Variants in SH3TC2 observed in about 807,000 individuals in gnomAD.
SH3TC2 encodes the protein SH3 domain and tetratricopeptide repeat-containing protein 2.
A neutral mutation model predicts 124.5 loss-of-function variants in SH3TC2; 87 were observed. The observed-to-expected ratio is 0.70, with a 90% CI of 0.59 to 0.84. The LOEUF is 0.84. Among genes scored for constraint, SH3TC2 ranks in the 40% least tolerant of loss-of-function variants. The pLI is 0.00. For missense variants in SH3TC2, 1,536 were observed against 1,566.4 expected (o/e 0.98, Z 0.33); for synonymous variants, 634 against 628.5 (o/e 1.01, Z -0.13).
At chr5:149,026,469 C>A (rs10075404) in intron 12 of SH3TC2, 103 bp downstream of exon 12, 1 of 1,425,576 alleles carries the variant, frequency 7.0e-7, no homozygotes, top group Non-Finnish European at 9.8e-7. Context: ...CACAAAGCCC[C>A]GCCTATACCA....
rs76765082 is a variant in SH3TC2, at chr5:149,040,883, G to A, written c.732-206C>T. ...TAGACCTGGGATATTTTGTGGCTCC[G>A]AAAGTAGTTTGTCAGTTAAATAACT... is the stretch of plus-strand genomic sequence containing the variant. On this transcript the variant is annotated intron_variant, in intron 6 of 16. Coordinates refer to ENST00000515425, the MANE Select transcript of SH3TC2 (RefSeq NM_024577.4). 7.7e-4 allele frequency among the ~76,000 whole-genome samples: 117 copies of A among 152,272 alleles called. 1 individual carries two copies. In the East Asian group the frequency reaches 0.02, roughly 26 times the overall value.
rs904648258 is a variant in SH3TC2, at chr5:149,000,454, A to G, written c.*4257T>C. On this transcript the variant is annotated 3_prime_UTR_variant, in exon 17 of 17. Coordinates refer to ENST00000515425, the MANE Select transcript of SH3TC2 (RefSeq NM_024577.4). ...ACAGGACCTAGCTTGAAGTTAATGC[A>G]TTATTTTATTTTCATTGTATTTGCC... is the stretch of plus-strand genomic sequence containing the variant. 6.6e-5 allele frequency among the ~76,000 whole-genome samples: 10 copies of G among 152,196 alleles called. No individual in the cohort carries two copies. The highest frequency in any genetic ancestry group is 2.2e-4 in the African/African-American group (9 of 41,444).
chr5:149,060,882 A>G (rs912586473), intron 1 of SH3TC2, among the ~76,000 whole-genome samples: 1 of 152,234 alleles, frequency 6.6e-6, no homozygotes, highest in Non-Finnish European at 1.5e-5. Context: ...TTCAAAAAAC[A>G]TGAGGGACTT....
chr5:149,043,377 A>G (rs1754403892), intron 4 of SH3TC2, among the ~76,000 whole-genome samples: 2 of 152,172 alleles, frequency 1.3e-5, no homozygotes, highest in South Asian at 4.1e-4. Context: ...ACTAAAAACT[A>G]TGTAAATTGT....
intron 12 of SH3TC2, among the ~76,000 whole-genome samples, chr5:149,016,329 G>C (rs1197732572): frequency 6.6e-6 from 1 of 152,164 alleles, no homozygotes; most frequent in East Asian, 1.9e-4. Context: ...CGAATTTCTG[G>C]CTCAGATATT....
Position 148,995,384 on chromosome 5 carries a change from A to G in SH3TC2, c.*9327T>C, listed in dbSNP as rs1224572717. ...GAGGATCAAATCCTATACTGTGGGT[A>G]AATTACTTAGCACAACCATCATTAC... On this transcript the variant is annotated 3_prime_UTR_variant, in exon 17 of 17. Coordinates refer to ENST00000515425, the MANE Select transcript of SH3TC2 (RefSeq NM_024577.4). Among the ~76,000 whole-genome samples the G allele has an allele frequency of 1.3e-5, 2 of 152,208 alleles. No individual in the cohort carries two copies. The highest frequency in any genetic ancestry group is 3.8e-4 in the East Asian group (2 of 5,198).
chr5:149,056,791 T>C (rs1754655932), intron 1 of SH3TC2, among the ~76,000 whole-genome samples: 1 of 152,226 alleles, frequency 6.6e-6, no homozygotes, highest in Non-Finnish European at 1.5e-5. Context: ...AGCATTCTTT[T>C]ACACATGGTG....
At chr5:149,044,391 T>C (rs949237862) in intron 4 of SH3TC2, 142 bp downstream of exon 4, 3 of 673,978 alleles carry the variant, frequency 4.5e-6, no homozygotes, top group Non-Finnish European at 7.9e-6. Flanking sequence ...AGGCACTTTG[T>C]GAAATTTCAA....
At chr5:149,026,210 G>C (rs1390885030) in intron 12 of SH3TC2, 4 of 283,624 alleles carry the variant, frequency 1.4e-5, no homozygotes, top group Non-Finnish European at 2.0e-5. Flanking sequence ...CCTGTGACAG[G>C]TGGTTATAGA....
rs1753539314 is a variant in SH3TC2 at position 148,998,052 on chromosome 5, C to T, written c.*6659G>A. 6.6e-6 allele frequency among the ~76,000 whole-genome samples: 1 copy of T among 152,194 alleles called. No individual in the cohort carries two copies. Among genetic ancestry groups the T allele is most frequent in the Non-Finnish European group, 1.5e-5 (1 of 68,038 alleles). On this transcript the variant is annotated 3_prime_UTR_variant, in exon 17 of 17. Coordinates refer to ENST00000515425, the MANE Select transcript of SH3TC2 (RefSeq NM_024577.4). ...ACCCTCCAGGTCAGCACTTTTCAAA[C>T]TACAGGTTAATGAGTGAGAAATTCA... is the stretch of plus-strand genomic sequence containing the variant.
Position 148,992,810 on chromosome 5 carries a change from G to A in SH3TC2, c.*11901C>T, listed in dbSNP as rs935747536. ...CATCACACTGAGCTAACTCATCCCT[G>A]CAACATGCACCAAGAGTCTTCCAGG... On this transcript the variant is annotated 3_prime_UTR_variant, in exon 17 of 17. Transcript: ENST00000515425. Among the ~76,000 whole-genome samples the A allele has an allele frequency of 2.0e-5, 3 of 152,044 alleles. No homozygotes were observed. The highest frequency in any genetic ancestry group is 4.4e-5 in the Non-Finnish European group (3 of 68,010).
intron 15 of SH3TC2, chr5:149,008,599 T>G (rs1580888747): frequency 1.8e-6 from 1 of 562,464 alleles, no homozygotes. Flanking sequence ...GCTATGGCTG[T>G]TACATGGATA....
rs1753365934 is a variant in SH3TC2 at position 148,988,259 on chromosome 5, T to C, written c.*16452A>G. On this transcript the variant is annotated 3_prime_UTR_variant, in exon 17 of 17. Coordinates refer to ENST00000515425, the MANE Select transcript of SH3TC2 (RefSeq NM_024577.4). ...TGGACATGAAAATCATTATCAAAAA[T>C]CCTACCCCAGATGGGAATGTTATCT... Among the ~76,000 whole-genome samples the C allele has an allele frequency of 6.6e-6, 1 of 152,138 alleles. No individual in the cohort carries two copies. Among genetic ancestry groups the C allele is most frequent in the African/African-American group, 2.4e-5 (1 of 41,426 alleles).
chr5:149,041,653 A>T (rs375271992), intron 5 of SH3TC2, 36 bp from the exon 6 acceptor site: 4 of 1,605,262 alleles, frequency 2.5e-6, no homozygotes, highest in Non-Finnish European at 3.4e-6. Context: ...CTTTCTAAGG[A>T]GTAGCAGGAA....
Position 149,026,753 on chromosome 5 carries a change from C to G in SH3TC2, c.2873-1G>C, listed in dbSNP as rs529119250. ...AGGGATTTGGTGGCCTGAAGCTGAC[C>G]TGAACACAAAGCAGGGACATGAATG... On this transcript the variant is annotated splice_acceptor_variant, in intron 11 of 16. Coordinates refer to ENST00000515425, the MANE Select transcript of SH3TC2 (RefSeq NM_024577.4). LOFTEE classifies it high-confidence loss of function. 6.2e-7 allele frequency: 1 copy of G among 1,614,172 alleles called. No homozygotes were observed. Among genetic ancestry groups the G allele is most frequent in the Non-Finnish European group, 8.5e-7 (1 of 1,180,024 alleles).
chr5:149,057,394 A>G (rs758208234), intron 1 of SH3TC2, among the ~76,000 whole-genome samples: 1 of 151,142 alleles, frequency 6.6e-6, no homozygotes, highest in East Asian at 1.9e-4. Context: ...TCCCTCCTCC[A>G]TCCTTCTTTT....
At chr5:149,021,884 C>CAAGAAATTGAAGAGGAAGGAATAA (rs1355286432) in intron 12 of SH3TC2, among the ~76,000 whole-genome samples, 1 of 32,860 alleles carries the variant, frequency 3.0e-5, no homozygotes, top group African/African-American at 1.4e-4. Context: ...CAAACTCTTT[C>CAAGAAATTGAAGAGGAAGGAATAA]TTTTTTTTTT....
At chr5:149,018,388 G>C (rs1478100786) in intron 12 of SH3TC2, among the ~76,000 whole-genome samples, 1 of 151,988 alleles carries the variant, frequency 6.6e-6, no homozygotes, top group Non-Finnish European at 1.5e-5. Flanking sequence ...ACATACCCAA[G>C]ATTGGGTAAA....
chr5:149,018,845 T>G (rs1753920629), intron 12 of SH3TC2, among the ~76,000 whole-genome samples: 1 of 152,220 alleles, frequency 6.6e-6, no homozygotes, highest in Non-Finnish European at 1.5e-5. Flanking sequence ...AAGATATTAC[T>G]TATCCTTCAA....
Sources: gnomAD v4.1 joint callset for allele counts (sites outside exome capture counted in the v4.1 genomes callset) on GRCh38, gnomAD v4.1.1 for gene constraint, MANE v1.5 for transcripts, NCBI Gene and HGNC (gene_info 2026-07-23, HGNC 2026-07-21) for gene names.